PUS7: variants seen among roughly 807,000 people sequenced by gnomAD.
The protein encoded by PUS7 is pseudouridylate synthase 7 homolog.
PUS7 carries 48 observed loss-of-function variants against 79.8 expected under a neutral mutation model. That is an observed-to-expected ratio of 0.60 (90% CI 0.48 to 0.76). The LOEUF (loss-of-function observed/expected upper bound fraction) is 0.76, where lower values mean the gene tolerates loss of function less well. Among genes scored for constraint, PUS7 ranks in the 30% least tolerant of loss-of-function variants. The pLI is 0.00. For missense variants in PUS7, 729 were observed against 797.6 expected (o/e 0.91, Z 1.04); for synonymous variants, 286 against 272.2 (o/e 1.05, Z -0.50).
intron 1 of PUS7, among the ~76,000 whole-genome samples, chr7:105,516,655 T>C (rs915946729): frequency 5.3e-5 from 8 of 152,072 alleles, no homozygotes; most frequent in East Asian, 1.9e-4. Flanking sequence ...AGTTTCACCA[T>C]GTTGGTCAGG....
At chr7:105,480,737 T>C (rs1170053199) in intron 9 of PUS7, among the ~76,000 whole-genome samples, 5 of 151,724 alleles carry the variant, frequency 3.3e-5, no homozygotes, top group Non-Finnish European at 1.5e-5. Flanking sequence ...GATTGCGCTA[T>C]TGCACTCCAG....
In PUS7 at chr7:105,487,300, T is replaced by C. The variant is rs183789322; in HGVS notation, c.920+4240A>G. Among the ~76,000 whole-genome samples the C allele has an allele frequency of 1.2e-3, 176 of 152,322 alleles. 2 individuals carry two copies. Among genetic ancestry groups the C allele is most frequent in the African/African-American group, 3.8e-3 (158 of 41,574 alleles). ...ACCATTAATCTACTTTCTGCCTCTA[T>C]AGATTTTCCTATTTCAGACACATCA... On this transcript the variant is annotated intron_variant, in intron 7 of 15. Transcript: ENST00000469408.
intron 1 of PUS7, among the ~76,000 whole-genome samples, chr7:105,517,401 T>A (rs1053049192): frequency 1.6e-4 from 24 of 152,088 alleles, no homozygotes; most frequent in African/African-American, 5.8e-4. Flanking sequence ...CCTCAGGTGA[T>A]CTGCCTGCCT....
intron 11 of PUS7, 56 bp from the exon 12 acceptor site, chr7:105,468,519 G>A: frequency 6.8e-7 from 1 of 1,460,738 alleles, no homozygotes; most frequent in Non-Finnish European, 9.2e-7. Flanking sequence ...AAAAAGTGCT[G>A]TACTTTTTTT....
chr7:105,521,805 CGGAGCGG>C (rs1222198752), intron 1 of PUS7, among the ~76,000 whole-genome samples: 20 of 149,900 alleles, frequency 1.3e-4, no homozygotes, highest in East Asian at 4.0e-4. Flanking sequence ...CCGGGCAGAG[CGGAGCGG>C]GGAGCGGGGA....
At chr7:105,461,711 T>C (rs1307465191) in intron 14 of PUS7, among the ~76,000 whole-genome samples, 2 of 152,230 alleles carry the variant, frequency 1.3e-5, no homozygotes, top group African/African-American at 4.8e-5. Context: ...TTCATCACCG[T>C]GTAAACATCA....
intron 14 of PUS7, among the ~76,000 whole-genome samples, chr7:105,461,456 A>C (rs1423126238): frequency 2.0e-5 from 3 of 152,148 alleles, no homozygotes; most frequent in Admixed American, 2.0e-4. Flanking sequence ...CCTGACCTCA[A>C]GCAATCCTCC....
chr7:105,506,673 T>C (rs1391191848), intron 2 of PUS7, among the ~76,000 whole-genome samples: 2 of 152,182 alleles, frequency 1.3e-5, no homozygotes, highest in Non-Finnish European at 2.9e-5. Flanking sequence ...TCTGCCCATC[T>C]TGGCCTCCCA....
At position 105,482,229 on chromosome 7, in the gene PUS7, G is replaced by T; in HGVS notation, c.1049+83C>A. Reference sequence around the variant, plus strand: ...TGTTCTGTTAGTACCAGCTCACCAGGACCTTATGACCAACCGTGAGTAACA... The same window carrying T: ...TGTTCTGTTAGTACCAGCTCACCAGTACCTTATGACCAACCGTGAGTAACA... On this transcript the variant is annotated intron_variant, in intron 8 of 15. Coordinates refer to ENST00000469408, the MANE Select transcript of PUS7 (RefSeq NM_019042.5). The T allele has an allele frequency of 2.7e-6, 4 of 1,482,244 alleles. No homozygotes were observed. The South Asian group carries it at 3.7e-5, about 14-fold the overall frequency. The allele number at this position is 1,482,244 out of a possible 1,614,324, so 91.8% of individuals were successfully genotyped here.
chr7:105,496,194 C>CATATATAT (rs1301915171), intron 5 of PUS7, among the ~76,000 whole-genome samples: 1 of 91,600 alleles, frequency 1.1e-5, no homozygotes, highest in African/African-American at 4.3e-5. Context: ...TACACACACA[C>CATATATAT]ACATATATAT....
At chr7:105,491,731 AGAG>A in intron 6 of PUS7, 114 bp from the exon 7 acceptor site, 2 of 645,752 alleles carry the variant, frequency 3.1e-6, no homozygotes, top group East Asian at 6.0e-5. Context: ...TAACACAGTA[AGAG>A]AAGAATGAGG....
At chr7:105,505,598 T>C (rs1484653589) in intron 4 of PUS7, among the ~76,000 whole-genome samples, 1 of 152,088 alleles carries the variant, frequency 6.6e-6, no homozygotes, top group Non-Finnish European at 1.5e-5. Context: ...GTCCCTAAAT[T>C]TTTTTTTCAG....
Position 105,457,774 on chromosome 7 carries a change from G to A in PUS7, c.*16C>T, listed in dbSNP as rs1823245634. On this transcript the variant is annotated 3_prime_UTR_variant, in exon 16 of 16. Coordinates refer to ENST00000469408, the MANE Select transcript of PUS7 (RefSeq NM_019042.5). ...AACACTTGTGTACGTTTTCTAATCT[G>A]TGGACAAGGTACTGCTCAGCGAAGC... 3 of 1,611,020 alleles carry A rather than the reference G, an allele frequency of 1.9e-6. No homozygotes were observed. The highest frequency in any genetic ancestry group is 2.5e-6 in the Non-Finnish European group (3 of 1,178,370).
chr7:105,472,767 T>A (rs1444367389), intron 9 of PUS7, among the ~76,000 whole-genome samples: 2 of 152,148 alleles, frequency 1.3e-5, no homozygotes, highest in East Asian at 3.8e-4. Flanking sequence ...TATTATTATT[T>A]TTTTGAAGTG....
At chr7:105,459,898 A>G (rs1823345930) in intron 14 of PUS7, among the ~76,000 whole-genome samples, 1 of 152,044 alleles carries the variant, frequency 6.6e-6, no homozygotes, top group Non-Finnish European at 1.5e-5. Context: ...GTGAAACCCC[A>G]TTTCTTCACA....
chr7:105,507,646 A>G (rs1362430504), intron 2 of PUS7, among the ~76,000 whole-genome samples: 1 of 152,018 alleles, frequency 6.6e-6, no homozygotes, highest in Non-Finnish European at 1.5e-5. Flanking sequence ...GGTTCAAGCT[A>G]TTCTCCTGCC....
intron 7 of PUS7, among the ~76,000 whole-genome samples, chr7:105,490,943 C>T (rs550888316): frequency 3.0e-4 from 45 of 152,286 alleles, no homozygotes; most frequent in Middle Eastern, 3.4e-3. Flanking sequence ...CATCCTGCAA[C>T]GCACAGGACA....
intron 1 of PUS7, among the ~76,000 whole-genome samples, chr7:105,521,511 T>C (rs1041575308): frequency 6.6e-6 from 1 of 151,902 alleles, no homozygotes; most frequent in Admixed American, 6.6e-5. Context: ...GGGAAATGCA[T>C]ACAAAGCAAG....
intron 6 of PUS7, among the ~76,000 whole-genome samples, chr7:105,494,402 A>ATTTTTT (rs756519297): frequency 3.4e-5 from 3 of 87,800 alleles, no homozygotes; most frequent in Non-Finnish European, 4.4e-5. Flanking sequence ...ATGATCAGTG[A>ATTTTTT]TTTTTTTTTT....
Sources: gnomAD v4.1 joint callset for allele counts (sites outside exome capture counted in the v4.1 genomes callset) on GRCh38, gnomAD v4.1.1 for gene constraint, MANE v1.5 for transcripts, NCBI Gene and HGNC (gene_info 2026-07-23, HGNC 2026-07-21) for gene names.